The following DCDC2 variants were observed in gnomAD, a reference collection of about 807,000 sequenced individuals.
DCDC2 encodes doublecortin domain containing 2, also known as doublecortin domain-containing protein 2.
DCDC2 carries 40 observed loss-of-function variants against 50.2 expected under a neutral mutation model. The observed-to-expected ratio is 0.80, with a 90% CI of 0.62 to 1.04. DCDC2 has a LOEUF of 1.04. Ranked by LOEUF, DCDC2 falls within the 50% of genes least tolerant of loss-of-function variation. The pLI is 0.00. For missense variants in DCDC2, 570 were observed against 581.9 expected (o/e 0.98, Z 0.21); for synonymous variants, 234 against 210.6 (o/e 1.11, Z -0.96).
chr6:24,209,083 T>C (rs1761796785), intron 7 of DCDC2, among the ~76,000 whole-genome samples: 1 of 152,196 alleles, frequency 6.6e-6, no homozygotes, highest in African/African-American at 2.4e-5. Flanking sequence ...ATCCGAATGA[T>C]ATAATAAGAA....
At chr6:24,307,295 T>C (rs1759490686) in intron 2 of DCDC2, among the ~76,000 whole-genome samples, 2 of 152,158 alleles carry the variant, frequency 1.3e-5, no homozygotes, top group Non-Finnish European at 2.9e-5. Context: ...AATGATACTA[T>C]CACAAAATTG....
intron 2 of DCDC2, among the ~76,000 whole-genome samples, chr6:24,344,152 T>C (rs535410993): frequency 6.6e-6 from 1 of 151,404 alleles, no homozygotes; most frequent in East Asian, 1.9e-4. Flanking sequence ...GTAACCACCA[T>C]TTTTTTTTCT....
At chr6:24,313,938 G>A (rs180922698) in intron 2 of DCDC2, among the ~76,000 whole-genome samples, 22 of 152,318 alleles carry the variant, frequency 1.4e-4, no homozygotes, top group African/African-American at 5.1e-4. Context: ...GGAAGAATAA[G>A]GTGGTGCAGC....
rs532197104 is a variant in DCDC2 at position 24,357,313 on chromosome 6, G to C, written c.293+145C>G. Reference sequence around the variant, plus strand: ...TCAACCTCTACCCCCCAACTGCAACGAGAGTTTTGAGGGGCATCAATCACA... The same window carrying C: ...TCAACCTCTACCCCCCAACTGCAACCAGAGTTTTGAGGGGCATCAATCACA... On this transcript the variant is annotated intron_variant, in intron 1 of 9. Transcript: ENST00000378454. 9 of 943,540 alleles carry C rather than the reference G, an allele frequency of 9.5e-6. No individual in the cohort carries two copies. In the Admixed American group the frequency reaches 2.8e-4, roughly 29 times the overall value. The allele number at this position is 943,540 out of a possible 1,614,324, so 58.4% of individuals were successfully genotyped here.
Position 24,214,480 on chromosome 6 carries a change from T to G in DCDC2, c.923-9378A>C, listed in dbSNP as rs1463909816. On this transcript the variant is annotated intron_variant, in intron 7 of 9. Coordinates refer to ENST00000378454, the MANE Select transcript of DCDC2 (RefSeq NM_016356.5). ...AGAATAAAGCACATTATTTACAATA[T>G]GTATAATAATGCTTATTTCCTAACC... is the stretch of plus-strand genomic sequence containing the variant. Among the ~76,000 whole-genome samples the G allele has an allele frequency of 1.1e-3, 3 of 2,754 alleles. No homozygotes were observed. In the Non-Finnish European group the frequency reaches 0.044, roughly 41 times the overall value. The allele number at this position is 2,754 out of a possible 152,430, so 1.8% of individuals were successfully genotyped here.
At chr6:24,317,616 C>T (rs1490369828) in intron 2 of DCDC2, among the ~76,000 whole-genome samples, 2 of 151,992 alleles carry the variant, frequency 1.3e-5, no homozygotes, top group Admixed American at 6.6e-5. Context: ...GACTCCATAT[C>T]CAGAGGCAAT....
At chr6:24,216,019 A>C (rs889164086) in intron 7 of DCDC2, among the ~76,000 whole-genome samples, 2 of 152,164 alleles carry the variant, frequency 1.3e-5, no homozygotes, top group Non-Finnish European at 2.9e-5. Context: ...GACAGAAGGA[A>C]GGGGATGGGG....
chr6:24,297,815 G>A (rs1349922096), intron 4 of DCDC2, among the ~76,000 whole-genome samples: 1 of 152,126 alleles, frequency 6.6e-6, no homozygotes, highest in Non-Finnish European at 1.5e-5. Context: ...AAACATAGGA[G>A]AATATTCTTA....
At chr6:24,374,022 C>T in the DCDC2 span, among the ~76,000 whole-genome samples, 4,662 of 151,850 alleles carry the variant, frequency 0.031, 132 homozygotes, top group African/African-American at 0.07. Flanking sequence ...ATTAGCCGGG[C>T]GTGGTGGCGG....
chr6:24,376,352 G>A, the DCDC2 span, among the ~76,000 whole-genome samples: 1 of 152,192 alleles, frequency 6.6e-6, no homozygotes, highest in Non-Finnish European at 1.5e-5. Flanking sequence ...AGTCGTCTTG[G>A]CAGGGCTCCC....
chr6:24,190,670 A>G, intron 8 of DCDC2, among the ~76,000 whole-genome samples: 1 of 152,226 alleles, frequency 6.6e-6, no homozygotes, highest in East Asian at 1.9e-4. Flanking sequence ...TTTAAATACA[A>G]GTCTACAAAC....
At chr6:24,299,228 A>G (rs1759321711) in intron 4 of DCDC2, among the ~76,000 whole-genome samples, 1 of 152,196 alleles carries the variant, frequency 6.6e-6, no homozygotes, top group South Asian at 2.1e-4. Context: ...AAGCAAATTA[A>G]TGCAGGAACA....
chr6:24,183,985 CA>C (rs1561881264), intron 8 of DCDC2, among the ~76,000 whole-genome samples: 1 of 152,144 alleles, frequency 6.6e-6, no homozygotes, highest in East Asian at 1.9e-4. Flanking sequence ...CGCTCTGTGC[CA>C]AACATCACAC....
rs535137345 is a variant in DCDC2 at position 24,309,039 on chromosome 6, T to A, written c.349-6995A>T. Among the ~76,000 whole-genome samples the A allele has an allele frequency of 2.6e-5, 4 of 152,240 alleles. No individual in the cohort carries two copies. The South Asian group carries it at 8.3e-4, about 32-fold the overall frequency. Reference sequence around the variant, plus strand: ...ATTGAATGGAAATATGTGAGTAATTTTTAAAACTTAAAAAAATTAATCCAC... The same window carrying A: ...ATTGAATGGAAATATGTGAGTAATTATTAAAACTTAAAAAAATTAATCCAC... On this transcript the variant is annotated intron_variant, in intron 2 of 9. Coordinates refer to ENST00000378454, the MANE Select transcript of DCDC2 (RefSeq NM_016356.5).
At chr6:24,178,953 C>G (rs1397395666) in intron 8 of DCDC2, among the ~76,000 whole-genome samples, 1 of 152,100 alleles carries the variant, frequency 6.6e-6, no homozygotes, top group African/African-American at 2.4e-5. Context: ...ACTCCAGAAC[C>G]AGTGCTTGTA....
chr6:24,242,865 G>A (rs1015145111), intron 7 of DCDC2, among the ~76,000 whole-genome samples: 1 of 152,100 alleles, frequency 6.6e-6, no homozygotes, highest in Non-Finnish European at 1.5e-5. Flanking sequence ...AGGAGGCTGA[G>A]GCAGGAGAAT....
At chr6:24,243,491 T>C (rs1762605932) in intron 7 of DCDC2, among the ~76,000 whole-genome samples, 1 of 152,214 alleles carries the variant, frequency 6.6e-6, no homozygotes, top group Admixed American at 6.5e-5. Flanking sequence ...GACTCAATGA[T>C]TTAATGTGTT....
intron 2 of DCDC2, among the ~76,000 whole-genome samples, chr6:24,338,640 G>T (rs1476392377): frequency 6.6e-6 from 1 of 152,054 alleles, no homozygotes; most frequent in South Asian, 2.1e-4. Context: ...ATAGCTTTTG[G>T]TTGGTTTTAT....
intron 5 of DCDC2, among the ~76,000 whole-genome samples, chr6:24,289,274 C>T (rs1421391094): frequency 1.3e-5 from 2 of 152,114 alleles, no homozygotes; most frequent in African/African-American, 2.4e-5. Flanking sequence ...AACAAATTTC[C>T]TTCGTTTCTA....
Sources: allele counts gnomAD v4.1 joint callset (sites outside exome capture counted in the v4.1 genomes callset), GRCh38; gene constraint gnomAD v4.1.1; transcripts MANE v1.5; gene names NCBI Gene and HGNC (gene_info 2026-07-23, HGNC 2026-07-21).